SLC35A5: variants seen among roughly 807,000 people sequenced by gnomAD.
SLC35A5 encodes UDP-sugar transporter protein SLC35A5.
In SLC35A5, 28 loss-of-function variants were observed where a neutral mutation model predicts 36.3. The observed-to-expected ratio is 0.77, with a 90% CI of 0.57 to 1.06. SLC35A5 has a LOEUF of 1.06. SLC35A5 is among the 50% of genes least tolerant of loss of function. The probability of loss-of-function intolerance (pLI) is 0.00; values close to 1 mark genes in which losing one functional copy is unlikely to be tolerated. For synonymous variants in SLC35A5, 180 were observed against 173.7 expected (o/e 1.04, Z -0.29); for missense variants, 521 against 499.3 (o/e 1.04, Z -0.41).
intron 2 of SLC35A5, among the ~76,000 whole-genome samples, chr3:112,565,369 G>A (rs1165686081): frequency 1.3e-5 from 2 of 152,210 alleles, no homozygotes; most frequent in African/African-American, 4.8e-5. Flanking sequence ...TCCACTAGAA[G>A]TCAAGGTGAA....
intron 2 of SLC35A5, among the ~76,000 whole-genome samples, chr3:112,568,127 C>A (rs746849262): frequency 6.6e-6 from 1 of 152,200 alleles, no homozygotes; most frequent in African/African-American, 2.4e-5. Flanking sequence ...TCACTTCACA[C>A]ACTTCCAATG....
chr3:112,561,642 G>A, upstream of SLC35A5: 4 of 1,105,758 alleles, frequency 3.6e-6, no homozygotes, highest in South Asian at 4.2e-5. Context: ...GCACCCGGCT[G>A]GCAGCACCCG....
intron 5 of SLC35A5, among the ~76,000 whole-genome samples, chr3:112,579,827 G>A (rs1188396680): frequency 6.6e-6 from 1 of 152,156 alleles, no homozygotes; most frequent in Admixed American, 6.5e-5. Context: ...CTGGCACGTA[G>A]TAGCTGCTTA....
intron 4 of SLC35A5, 139 bp downstream of exon 4, chr3:112,570,809 T>TAG (rs1262917298): frequency 1.2e-6 from 1 of 803,642 alleles, no homozygotes; most frequent in African/African-American, 1.8e-5. Context: ...TCCCCAGAAT[T>TAG]ATCTGAGTCC....
chr3:112,580,158 G>A (rs1297875216), intron 5 of SLC35A5, among the ~76,000 whole-genome samples: 2 of 152,138 alleles, frequency 1.3e-5, no homozygotes, highest in African/African-American at 4.8e-5. Flanking sequence ...CATTTCTGAA[G>A]CTCATCTACA....
intron 2 of SLC35A5, among the ~76,000 whole-genome samples, chr3:112,566,097 C>T (rs1451290166): frequency 6.6e-6 from 1 of 152,074 alleles, no homozygotes; most frequent in African/African-American, 2.4e-5. Flanking sequence ...AAGGAGTATT[C>T]AGAACATAGA....
chr3:112,582,258 T>C (rs1253350065), intron 6 of SLC35A5, among the ~76,000 whole-genome samples: 1 of 152,124 alleles, frequency 6.6e-6, no homozygotes, highest in Admixed American at 6.6e-5. Flanking sequence ...GGATCTTGAG[T>C]TTCGGATACC....
chr3:112,581,989 C>A (rs1246501621), intron 6 of SLC35A5, among the ~76,000 whole-genome samples: 1 of 132,644 alleles, frequency 7.5e-6, no homozygotes, highest in Non-Finnish European at 1.6e-5. Context: ...TTGGAAGGCT[C>A]TGTCAATCAT....
At position 112,580,649 on chromosome 3, in the gene SLC35A5, C is replaced by CT. The variant is rs781377973; in HGVS notation, c.532_533insT (p.Arg178LeufsTer21). ...AACTTTACAGCACAACTTGGCAGGA[C>CT]GTGGATTTCATCACGATGCCTTTTT... On this transcript the variant is annotated frameshift_variant, in exon 6 of 7. Transcript: ENST00000492406. LOFTEE classifies it high-confidence loss of function. 179 of 1,613,982 alleles carry CT rather than the reference C, an allele frequency of 1.1e-4. 1 individual carries two copies. Among genetic ancestry groups the CT allele is most frequent in the Non-Finnish European group, 1.5e-4 (174 of 1,179,980 alleles).
In SLC35A5 at chr3:112,564,689, A is replaced by C. The variant is rs528341836; in HGVS notation, c.130+1156A>C. Among the ~76,000 whole-genome samples, 9 of 152,204 alleles carry C rather than the reference A, an allele frequency of 5.9e-5. No individual in the cohort carries two copies. The East Asian group carries it at 1.7e-3, about 29-fold the overall frequency. On this transcript the variant is annotated intron_variant, in intron 2 of 6. Transcript: ENST00000492406. ...TTCCCACGAGGCCATATTTCAGACT[A>C]TCACATGGGGAGAAACCTTGGACAA...
chr3:112,566,145 TA>T (rs1934187227), intron 2 of SLC35A5, among the ~76,000 whole-genome samples: 1 of 152,078 alleles, frequency 6.6e-6, no homozygotes, highest in Admixed American at 6.6e-5. Flanking sequence ...ATATGAAAAT[TA>T]AAAAAGATAA....
chr3:112,573,521 C>G (rs1231129720), intron 4 of SLC35A5, among the ~76,000 whole-genome samples: 1 of 152,170 alleles, frequency 6.6e-6, no homozygotes, highest in African/African-American at 2.4e-5. Flanking sequence ...CCATACAGTA[C>G]CTGCCTTCTA....
At chr3:112,565,003 C>T (rs1225378903) in intron 2 of SLC35A5, among the ~76,000 whole-genome samples, 3 of 152,150 alleles carry the variant, frequency 2.0e-5, no homozygotes, top group Non-Finnish European at 2.9e-5. Flanking sequence ...TCTCTCTTTT[C>T]CCCACAATTG....
At position 112,584,441 on chromosome 3, in the gene SLC35A5, T is replaced by C. The variant is rs1935067488; in HGVS notation, c.*1705T>C. The C allele has an allele frequency of 6.6e-6, 1 of 152,176 alleles. No homozygotes were observed. Among genetic ancestry groups the C allele is most frequent in the Non-Finnish European group, 1.5e-5 (1 of 68,032 alleles). The allele number at this position is 152,176 out of a possible 1,614,324, so 9.4% of individuals were successfully genotyped here. On this transcript the variant is annotated 3_prime_UTR_variant, in exon 7 of 7. Transcript: ENST00000492406. Reference sequence around the variant, plus strand: ...TCATAAAACATAAAAATTACAAAAATATTCTTACAAAGGTATCACATACAG... The same window carrying C: ...TCATAAAACATAAAAATTACAAAAACATTCTTACAAAGGTATCACATACAG...
rs566374143 is a variant in SLC35A5 at position 112,584,983 on chromosome 3, A to G, written c.*2247A>G. The G allele has an allele frequency of 6.6e-6, 1 of 152,306 alleles. No homozygotes were observed. Among genetic ancestry groups the G allele is most frequent in the East Asian group, 1.9e-4 (1 of 5,172 alleles). 9.4% of individuals were successfully genotyped at this position (152,306 alleles called of 1,614,324 possible). ...GTTCTCACTTATAAGTGGGAGCTAA[A>G]CAGTGGGTACATGTGGACACAGGAT... On this transcript the variant is annotated 3_prime_UTR_variant, in exon 7 of 7. Transcript: ENST00000492406.
At position 112,584,239 on chromosome 3, in the gene SLC35A5, A is replaced by C. The variant is rs1340928512; in HGVS notation, c.*1503A>C. 6.6e-6 allele frequency: 1 copy of C among 152,204 alleles called. No homozygotes were observed. Among genetic ancestry groups the C allele is most frequent in the African/African-American group, 2.4e-5 (1 of 41,444 alleles). The allele number at this position is 152,204 out of a possible 1,614,324, so 9.4% of individuals were successfully genotyped here. A position where few individuals can be genotyped will look rare whatever the true frequency, so the allele number is the denominator to read the frequency against. ...AAAATAGAGTGAGACAAAAACCTAC[A>C]CAACTTTTAAAACTTTCTCTTTAAG... On this transcript the variant is annotated 3_prime_UTR_variant, in exon 7 of 7. Transcript: ENST00000492406.
At chr3:112,581,503 A>C (rs571141162) in intron 6 of SLC35A5, among the ~76,000 whole-genome samples, 177 bp downstream of exon 6, 1 of 152,340 alleles carries the variant, frequency 6.6e-6, no homozygotes, top group East Asian at 1.9e-4. Flanking sequence ...GCTCATAATC[A>C]ATGCTGTCAG....
chr3:112,561,599 AG>A, upstream of SLC35A5: 2 of 1,479,924 alleles, frequency 1.4e-6, no homozygotes, highest in Non-Finnish European at 1.8e-6. Flanking sequence ...CCAGGGAGTC[AG>A]AAAATGTCCT....
In SLC35A5 at chr3:112,574,068, C is replaced by T. The variant is rs1407992955; in HGVS notation, c.428+112C>T. On this transcript the variant is annotated intron_variant, in intron 5 of 6. Coordinates refer to ENST00000492406, the MANE Select transcript of SLC35A5 (RefSeq NM_017945.5). ...AGAATCCCAAAGCCAGGATTTTGTTCCTAATTGACTTTGTGTACTGGGCAC... is the reference window on the plus strand; with the variant it reads ...AGAATCCCAAAGCCAGGATTTTGTTTCTAATTGACTTTGTGTACTGGGCAC... 3.2e-6 allele frequency: 3 copies of T among 951,386 alleles called. No individual in the cohort carries two copies. In the Admixed American group the frequency reaches 6.4e-5, roughly 20 times the overall value. The allele number at this position is 951,386 out of a possible 1,614,324, so 58.9% of individuals were successfully genotyped here.
Sources: allele counts gnomAD v4.1 joint callset (sites outside exome capture counted in the v4.1 genomes callset), GRCh38; gene constraint gnomAD v4.1.1; transcripts MANE v1.5; gene names NCBI Gene and HGNC (gene_info 2026-07-23, HGNC 2026-07-21).